The following UFSP2 variants were observed in gnomAD, a reference collection of about 807,000 sequenced individuals.
The protein encoded by UFSP2 is ufm1-specific protease 2.
A neutral mutation model predicts 60.2 loss-of-function variants in UFSP2; 43 were observed. That is an observed-to-expected ratio of 0.71 (90% CI 0.56 to 0.92). The LOEUF is 0.92. Among genes scored for constraint, UFSP2 ranks in the 40% least tolerant of loss-of-function variants. The probability of loss-of-function intolerance (pLI) is 0.00; values close to 1 mark genes in which losing one functional copy is unlikely to be tolerated. For missense variants in UFSP2, 520 were observed against 575.0 expected, an observed-to-expected ratio of 0.90 and a Z score of 0.98; for synonymous variants, 183 against 195.1, an observed-to-expected ratio of 0.94 and a Z score of 0.52.
rs79709654 is a variant in UFSP2, at chr4:185,409,043, G to C, written c.832-608C>G. ...TGTGAGCTCAGTGAGTACATACACT[G>C]TGTCTTATCCATTTTTGGGCCCAAG... On this transcript the variant is annotated intron_variant, in intron 7 of 11. Transcript: ENST00000264689. Among the ~76,000 whole-genome samples, 677 of 152,212 alleles carry C rather than the reference G, an allele frequency of 4.4e-3. 4 individuals are homozygous for C. The highest frequency in any genetic ancestry group is 0.015 in the African/African-American group (638 of 41,510).
rs1460437305 is a variant in UFSP2 at position 185,400,420 on chromosome 4, C to T, written c.1382G>A (p.Cys461Tyr). 6.2e-7 allele frequency: 1 copy of T among 1,613,694 alleles called. No individual in the cohort carries two copies. Among genetic ancestry groups the T allele is most frequent in the African/African-American group, 1.3e-5 (1 of 74,896 alleles). Reference protein sequence around the residue: ...FWNKDAYYNLCLPQRPNMI With the variant: ...FWNKDAYYNLYLPQRPNMI ...AATCATATTTGGTCGCTGAGGAAGA[C>T]ATAAGTTATAGTATGCATCCTTGTT... The change falls in exon 12 of 12, where the codon TGT becomes TAT. Residue 461 changes from cysteine (C) to tyrosine (Y), a missense_variant. Transcript: ENST00000264689.
chr4:185,420,576 C>A (rs2095547625), intron 2 of UFSP2, among the ~76,000 whole-genome samples: 1 of 152,102 alleles, frequency 6.6e-6, no homozygotes, highest in Non-Finnish European at 1.5e-5. Flanking sequence ...AGAGATTACT[C>A]ATAACAAATC....
Position 185,400,047 on chromosome 4 carries a change from A to G in UFSP2, c.*345T>C, listed in dbSNP as rs1448842707. 1.9e-6 allele frequency: 3 copies of G among 1,565,052 alleles called. No homozygotes were observed. Among genetic ancestry groups the G allele is most frequent in the Non-Finnish European group, 2.6e-6 (3 of 1,143,010 alleles). ...ACGTGGGTTATGAAGAAGTCTGAAG[A>G]ACGCCTTCATTTCATGCAAATCTAT... On this transcript the variant is annotated 3_prime_UTR_variant, in exon 12 of 12. Transcript: ENST00000264689.
At chr4:185,419,310 T>G (rs1314875805) in intron 2 of UFSP2, among the ~76,000 whole-genome samples, 1 of 152,162 alleles carries the variant, frequency 6.6e-6, no homozygotes, top group Admixed American at 6.5e-5. Flanking sequence ...TTTTGTATTT[T>G]TAGTAGAGAC....
intron 2 of UFSP2, among the ~76,000 whole-genome samples, chr4:185,419,961 C>T (rs2095546399): frequency 1.3e-5 from 2 of 152,224 alleles, no homozygotes; most frequent in Non-Finnish European, 2.9e-5. Flanking sequence ...CATGGCAACT[C>T]TCTATTTCAC....
chr4:185,405,864 G>T lies in UFSP2; in HGVS notation c.1122-8C>A, dbSNP rs199897870. The T allele has an allele frequency of 3.4e-4, 550 of 1,614,008 alleles. 3 individuals carry two copies. The South Asian group carries it at 4.6e-3, about 14-fold the overall frequency. ...GCAATTTCTGAACCTTGGCTAGAAAGAAACCATTTTCTATCAGATGAACTA... is the reference window on the plus strand; with the variant it reads ...GCAATTTCTGAACCTTGGCTAGAAATAAACCATTTTCTATCAGATGAACTA... On this transcript the variant is annotated splice_polypyrimidine_tract_variant and splice_region_variant and intron_variant, in intron 9 of 11. Transcript: ENST00000264689.
At chr4:185,402,667 G>A (rs1341672516) in intron 11 of UFSP2, among the ~76,000 whole-genome samples, 1 of 152,016 alleles carries the variant, frequency 6.6e-6, no homozygotes, top group Non-Finnish European at 1.5e-5. Flanking sequence ...GTAGAGATGG[G>A]GTTTCACCAT....
rs767926363 is a variant in UFSP2, at chr4:185,415,335, G to A, written c.504C>T (p.Leu168=). Residue 168 remains leucine (L), a synonymous_variant, in exon 6 of 12, where the codon CTC becomes CTT. Coordinates refer to ENST00000264689, the MANE Select transcript of UFSP2 (RefSeq NM_018359.5). ...GTTGATTATGAATTGCATCAACCAG[G>A]AGTTTACGAACTCTGTGGGGGGAAA... is the stretch of plus-strand genomic sequence containing the variant. ...PEETWGKVRK[L]LVDAIHNQLT... is the part of the protein sequence containing the mutation. 1 of 1,583,738 alleles carries A rather than the reference G, an allele frequency of 6.3e-7. No individual in the cohort carries two copies. The highest frequency in any genetic ancestry group is 1.4e-5 in the African/African-American group (1 of 72,904).
At chr4:185,419,771 T>C (rs1460362375) in intron 2 of UFSP2, among the ~76,000 whole-genome samples, 1 of 152,264 alleles carries the variant, frequency 6.6e-6, no homozygotes, top group African/African-American at 2.4e-5. Context: ...TATGGCAGGA[T>C]AATATTCCAT....
intron 4 of UFSP2, among the ~76,000 whole-genome samples, chr4:185,416,837 A>C (rs2153289758): frequency 6.6e-6 from 1 of 152,292 alleles, no homozygotes; most frequent in Admixed American, 6.5e-5. Context: ...CAGATTATAA[A>C]CCACTGCATA....
chr4:185,414,751 A>T (rs1055478147), intron 6 of UFSP2, among the ~76,000 whole-genome samples: 21 of 152,206 alleles, frequency 1.4e-4, no homozygotes, highest in African/African-American at 5.1e-4. Flanking sequence ...CATAAATCCT[A>T]TTCAGAATTA....
chr4:185,419,640 C>T (rs919098535), intron 2 of UFSP2, among the ~76,000 whole-genome samples: 2 of 152,160 alleles, frequency 1.3e-5, no homozygotes, highest in Admixed American at 1.3e-4. Context: ...TATGGATTTG[C>T]CTGCTGTGGA....
chr4:185,410,684 C>T (rs572803422), intron 7 of UFSP2, among the ~76,000 whole-genome samples: 15 of 146,012 alleles, frequency 1.0e-4, no homozygotes, highest in African/African-American at 3.0e-4. Context: ...CAGTGGCTCA[C>T]GCCTGTAATC....
chr4:185,399,592 A>G lies in UFSP2; in HGVS notation c.*800T>C. 6.2e-7 allele frequency: 1 copy of G among 1,614,204 alleles called. No individual in the cohort carries two copies. The highest frequency in any genetic ancestry group is 1.1e-5 in the South Asian group (1 of 91,086). ...CAGTTTATGTAATAAGAACGGGCAA[A>G]CAGCTGAAGATCTCGCTTGGTCATG... On this transcript the variant is annotated 3_prime_UTR_variant, in exon 12 of 12. Transcript: ENST00000264689.
In UFSP2 at chr4:185,413,811, T is replaced by C. The variant is rs370137378; in HGVS notation, c.746A>G (p.Tyr249Cys). ...DRPYFKRSNA[Y>C]HFPDEPYKDG... ...TTTGTATGGCTCATCTGGAAAGTGA[T>C]AAGCATTAGACCTTTTGAAATAGGG... The change falls in exon 7 of 12, where the codon TAT becomes TGT. Residue 249 changes from tyrosine to cysteine, a missense_variant. Coordinates refer to ENST00000264689, the MANE Select transcript of UFSP2 (RefSeq NM_018359.5). The C allele has an allele frequency of 1.3e-5, 21 of 1,613,504 alleles. No homozygotes were observed. The highest frequency in any genetic ancestry group is 3.3e-4 in the Middle Eastern group (2 of 6,078).
intron 1 of UFSP2, among the ~76,000 whole-genome samples, chr4:185,423,241 A>G (rs1442823316): frequency 1.3e-5 from 2 of 152,226 alleles, no homozygotes; most frequent in East Asian, 1.9e-4. Context: ...CTTTAAGACA[A>G]TCTTTCCAAA....
At position 185,409,792 on chromosome 4, in the gene UFSP2, G is replaced by A. The variant is rs576559261; in HGVS notation, c.832-1357C>T. Among the ~76,000 whole-genome samples the A allele has an allele frequency of 5.3e-5, 8 of 152,304 alleles. No individual in the cohort carries two copies. In the South Asian group the frequency reaches 1.7e-3, roughly 32 times the overall value. ...TCCTGGATCCTAGTGTGCCCTAAAT[G>A]CAATCACATATATTCTTAAAAGAGA... On this transcript the variant is annotated intron_variant, in intron 7 of 11. Transcript: ENST00000264689.
intron 7 of UFSP2, among the ~76,000 whole-genome samples, chr4:185,412,077 T>C (rs2095530368): frequency 6.6e-6 from 1 of 151,134 alleles, no homozygotes. Flanking sequence ...AAAGTTTTGC[T>C]TCTTAAATTA....
intron 7 of UFSP2, among the ~76,000 whole-genome samples, chr4:185,410,664 A>G (rs1346895791): frequency 7.1e-6 from 1 of 141,530 alleles, no homozygotes; most frequent in African/African-American, 2.7e-5. Flanking sequence ...AAGAAAGATT[A>G]GGCCGGGCGC....
Sources: allele counts gnomAD v4.1 joint callset (sites outside exome capture counted in the v4.1 genomes callset), GRCh38; gene constraint gnomAD v4.1.1; transcripts MANE v1.5; gene names NCBI Gene and HGNC (gene_info 2026-07-23, HGNC 2026-07-21).